CNTNAP2: variants seen among roughly 807,000 people sequenced by gnomAD.
CNTNAP2 encodes the protein contactin associated protein 2, also known as contactin-associated protein-like 2.
CNTNAP2 carries 98 observed loss-of-function variants against 155.2 expected under a neutral mutation model. The ratio of observed to expected loss-of-function variants is 0.63; its 90% confidence interval spans 0.54 to 0.75. The LOEUF (loss-of-function observed/expected upper bound fraction) is 0.75, where lower values mean the gene tolerates loss of function less well. Among genes scored for constraint, CNTNAP2 ranks in the 30% least tolerant of loss-of-function variants. CNTNAP2 has a pLI of 0.00. For synonymous variants in CNTNAP2, 651 were observed against 631.2 expected, an observed-to-expected ratio of 1.03 and a Z score of -0.47; for missense variants, 1,727 against 1,688.1, an observed-to-expected ratio of 1.02 and a Z score of -0.40.
chr7:146,820,228 A>G (rs967178182), intron 2 of CNTNAP2, among the ~76,000 whole-genome samples: 1 of 152,146 alleles, frequency 6.6e-6, no homozygotes, highest in Non-Finnish European at 1.5e-5. Flanking sequence ...GCAGGTGTTC[A>G]TTTATAGCTT....
At chr7:147,674,735 C>CA (rs1795841340) in intron 13 of CNTNAP2, among the ~76,000 whole-genome samples, 1 of 152,104 alleles carries the variant, frequency 6.6e-6, no homozygotes, top group Non-Finnish European at 1.5e-5. Context: ...TTCCTTATTA[C>CA]AATATAGACT....
intron 18 of CNTNAP2, among the ~76,000 whole-genome samples, chr7:148,206,463 T>C (rs1795451319): frequency 6.6e-6 from 1 of 152,092 alleles, no homozygotes; most frequent in African/African-American, 2.4e-5. Context: ...TCAAAATTAT[T>C]TCAAGGTATA....
chr7:147,900,762 G>A (rs907334648), intron 13 of CNTNAP2, among the ~76,000 whole-genome samples: 38 of 152,108 alleles, frequency 2.5e-4, no homozygotes, highest in South Asian at 6.2e-4. Context: ...GACTAGAGGC[G>A]CCTGCCACTG....
chr7:147,645,728 A>G (rs2116933886), intron 13 of CNTNAP2, among the ~76,000 whole-genome samples: 1 of 152,334 alleles, frequency 6.6e-6, no homozygotes, highest in African/African-American at 2.4e-5. Context: ...GTGTATCAGG[A>G]AGTGTGACAT....
In CNTNAP2 at chr7:146,683,487, C is replaced by A. The variant is rs539775539; in HGVS notation, c.98-90784C>A. On this transcript the variant is annotated intron_variant, in intron 1 of 23. Transcript: ENST00000361727. The stretch of plus-strand genomic sequence containing the variant: ...ATTATATTTGAAACTCTCAGAAGAC[C>A]AGATGAACTCAAACTACAGTGCCAC... Among the ~76,000 whole-genome samples, 10 of 152,252 alleles carry A rather than the reference C, an allele frequency of 6.6e-5. No individual in the cohort carries two copies. In the South Asian group the frequency reaches 8.3e-4, roughly 13 times the overall value.
intron 13 of CNTNAP2, among the ~76,000 whole-genome samples, chr7:147,772,482 A>ATG (rs1797489606): frequency 3.9e-5 from 5 of 129,482 alleles, no homozygotes; most frequent in Non-Finnish European, 6.3e-5. Context: ...ATATATATAT[A>ATG]TACACACACA....
intron 2 of CNTNAP2, among the ~76,000 whole-genome samples, chr7:146,778,669 T>C (rs1802432036): frequency 6.6e-6 from 1 of 152,228 alleles, no homozygotes; most frequent in Admixed American, 6.5e-5. Flanking sequence ...ACCTTACTTT[T>C]AATATAGAAT....
At chr7:147,485,501 C>T (rs1009175017) in intron 10 of CNTNAP2, among the ~76,000 whole-genome samples, 1 of 152,164 alleles carries the variant, frequency 6.6e-6, no homozygotes, top group African/African-American at 2.4e-5. Flanking sequence ...ATTTCAAAAA[C>T]TCAAATTGCT....
chr7:146,690,156 C>T (rs1800671780), intron 1 of CNTNAP2, among the ~76,000 whole-genome samples: 1 of 151,986 alleles, frequency 6.6e-6, no homozygotes, highest in Non-Finnish European at 1.5e-5. Context: ...TTACTGGAAT[C>T]GATTTAAATA....
At chr7:147,911,265 T>A (rs1800061350) in intron 14 of CNTNAP2, among the ~76,000 whole-genome samples, 1 of 152,146 alleles carries the variant, frequency 6.6e-6, no homozygotes, top group African/African-American at 2.4e-5. Flanking sequence ...CTTTCCAAAG[T>A]GGGAAAGTTA....
chr7:146,125,473 G>C (rs1420045610), intron 1 of CNTNAP2, among the ~76,000 whole-genome samples: 1 of 150,282 alleles, frequency 6.7e-6, no homozygotes, highest in Non-Finnish European at 1.5e-5. Context: ...CTACTTGGAA[G>C]GCTAAGGCAG....
intron 9 of CNTNAP2, among the ~76,000 whole-genome samples, chr7:147,320,143 C>G (rs1422318270): frequency 6.6e-6 from 1 of 152,136 alleles, no homozygotes; most frequent in Admixed American, 6.6e-5. Flanking sequence ...GTTTCTCACT[C>G]TTGGTCAAGA....
intron 7 of CNTNAP2, 41 bp downstream of exon 7, chr7:147,128,877 C>T: frequency 6.2e-7 from 1 of 1,612,424 alleles, no homozygotes; most frequent in Non-Finnish European, 8.5e-7. Flanking sequence ...TATAAAATAT[C>T]AAGTAACATT....
At chr7:148,394,790 C>A (rs1799429999) in intron 22 of CNTNAP2, among the ~76,000 whole-genome samples, 1 of 152,196 alleles carries the variant, frequency 6.6e-6, no homozygotes, top group Non-Finnish European at 1.5e-5. Flanking sequence ...TGCAGCGGGT[C>A]CCTGGAACAC....
chr7:147,599,205 A>G (rs7780913), intron 12 of CNTNAP2, among the ~76,000 whole-genome samples: 104,945 of 151,982 alleles, frequency 0.69, 36,824 homozygotes, highest in African/African-American at 0.81. Flanking sequence ...GGTCAAGAGC[A>G]GTAGCTCACA....
intron 10 of CNTNAP2, among the ~76,000 whole-genome samples, chr7:147,424,158 T>C (rs894854627): frequency 6.6e-6 from 1 of 152,124 alleles, no homozygotes; most frequent in Admixed American, 6.6e-5. Flanking sequence ...CCCAATACCT[T>C]CAATCTACCC....
chr7:147,621,142 T>C (rs1485165023), intron 12 of CNTNAP2, among the ~76,000 whole-genome samples: 1 of 152,086 alleles, frequency 6.6e-6, no homozygotes, highest in East Asian at 1.9e-4. Context: ...GATGATATCC[T>C]TCAAATATAA....
intron 16 of CNTNAP2, among the ~76,000 whole-genome samples, chr7:148,118,739 C>T (rs768235182): frequency 6.6e-5 from 10 of 152,096 alleles, no homozygotes; most frequent in Non-Finnish European, 1.3e-4. Context: ...CCACGGAGAC[C>T]ACAGGACTGG....
chr7:146,406,734 C>G (rs148204387), intron 1 of CNTNAP2, among the ~76,000 whole-genome samples: 3 of 152,114 alleles, frequency 2.0e-5, no homozygotes, highest in Non-Finnish European at 1.5e-5. Context: ...GAGTCAACCT[C>G]GCAGAACCTT....
Sources: allele counts gnomAD v4.1 joint callset (sites outside exome capture counted in the v4.1 genomes callset), GRCh38; gene constraint gnomAD v4.1.1; transcripts MANE v1.5; gene names NCBI Gene and HGNC (gene_info 2026-07-23, HGNC 2026-07-21).